The following DEUP1 variants were observed in gnomAD, a reference collection of about 807,000 sequenced individuals.
DEUP1 encodes coiled-coil domain containing 67.
Under a neutral mutation model 87.4 loss-of-function variants are expected in DEUP1, and 82 were observed. The ratio of observed to expected loss-of-function variants is 0.94; its 90% CI spans 0.78 to 1.13. DEUP1 has a LOEUF of 1.13. Ranked by LOEUF, DEUP1 falls within the 50% of genes most tolerant of loss-of-function variation. The pLI is 0.00. For synonymous variants in DEUP1, 214 were observed against 222.7 expected (o/e 0.96, Z 0.35); for missense variants, 663 against 681.5 (o/e 0.97, Z 0.30).
intron 12 of DEUP1, among the ~76,000 whole-genome samples, chr11:93,412,308 G>GAA (rs753887106): frequency 1.3e-5 from 2 of 152,160 alleles, no homozygotes; most frequent in Non-Finnish European, 2.9e-5. Flanking sequence ...TAGGCCTGTG[G>GAA]AAAAGATCAT....
Position 93,395,142 on chromosome 11 carries a change from G to A in DEUP1, c.1239+486G>A, listed in dbSNP as rs558161341. On this transcript the variant is annotated intron_variant, in intron 10 of 13. Coordinates refer to ENST00000298050, the MANE Select transcript of DEUP1 (RefSeq NM_181645.4). ...TTACTGAACATGCAGTCAATGCACA[G>A]CATGGTACGTGAGGAAAAACAGCAA... Among the ~76,000 whole-genome samples, 5 of 152,266 alleles carry A rather than the reference G, an allele frequency of 3.3e-5. No individual in the cohort carries two copies. The South Asian group carries it at 1.0e-3, about 32-fold the overall frequency.
chr11:93,352,443 T>G (rs1335464655), intron 2 of DEUP1: 1 of 700,538 alleles, frequency 1.4e-6, no homozygotes, highest in African/African-American at 1.7e-5. Flanking sequence ...TAACAACAGT[T>G]GCTATAGTCC....
intron 11 of DEUP1, among the ~76,000 whole-genome samples, chr11:93,402,355 A>G (rs77927879): frequency 0.034 from 5,226 of 152,144 alleles, 246 homozygotes; most frequent in African/African-American, 0.11. Flanking sequence ...GACAGGTAAT[A>G]ATGGATGCTG....
chr11:93,437,861 A>G lies in DEUP1; in HGVS notation c.*142A>G, dbSNP rs900930786. 8.2e-5 allele frequency: 49 copies of G among 601,030 alleles called. 2 individuals carry two copies. The highest frequency in any genetic ancestry group is 9.6e-4 in the Middle Eastern group (2 of 2,086). The allele number at this position is 601,030 out of a possible 1,614,324, so 37.2% of individuals were successfully genotyped here. On this transcript the variant is annotated 3_prime_UTR_variant, in exon 14 of 14. Coordinates refer to ENST00000298050, the MANE Select transcript of DEUP1 (RefSeq NM_181645.4). ...TAAATAATTTCCGTAAGGCAGCTAG[A>G]AAATAGTAAGTATTTTGTTCTATAA... is the stretch of plus-strand genomic sequence containing the variant.
In DEUP1 at chr11:93,436,189, ACCT is replaced by A. The variant is rs1948244694; in HGVS notation, c.1639-1353_1639-1351del. 2.6e-5 allele frequency among the ~76,000 whole-genome samples: 4 copies of A among 152,066 alleles called. No homozygotes were observed. In the South Asian group the frequency reaches 6.2e-4, roughly 24 times the overall value. On this transcript the variant is annotated intron_variant, in intron 13 of 13. Transcript: ENST00000298050. ...CAATCTTTTATGGGGTTTATCTTTC[ACCT>A]TCTGGAGTACATACATCTTTCCATC...
intron 11 of DEUP1, among the ~76,000 whole-genome samples, chr11:93,406,100 C>T (rs980422277): frequency 1.3e-5 from 2 of 151,776 alleles, no homozygotes; most frequent in Non-Finnish European, 3.0e-5. Flanking sequence ...TAGATACTCC[C>T]TAGGAAACTT....
intron 13 of DEUP1, among the ~76,000 whole-genome samples, chr11:93,435,774 A>G (rs1289577251): frequency 2.0e-5 from 3 of 152,174 alleles, no homozygotes; most frequent in Non-Finnish European, 4.4e-5. Flanking sequence ...AGGAGGGCAG[A>G]TCACGAGGTC....
chr11:93,388,962 C>T (rs72972364), intron 8 of DEUP1, 58 bp from the exon 9 acceptor site: 165,752 of 931,952 alleles, frequency 0.18, 16,174 homozygotes, highest in Non-Finnish European at 0.2. Flanking sequence ...ACAATATAAT[C>T]GTTACAATTT....
At chr11:93,375,769 GT>G (rs1290916691) in intron 7 of DEUP1, among the ~76,000 whole-genome samples, 1 of 152,052 alleles carries the variant, frequency 6.6e-6, no homozygotes, top group Non-Finnish European at 1.5e-5. Context: ...TCCTTTCCTG[GT>G]TTTGATATTA....
chr11:93,414,280 A>G (rs976383862), intron 12 of DEUP1, among the ~76,000 whole-genome samples: 10 of 152,164 alleles, frequency 6.6e-5, no homozygotes, highest in Non-Finnish European at 8.8e-5. Flanking sequence ...TTGGGAGGCC[A>G]ACGCAGGCGA....
At chr11:93,343,080 A>G (rs1307678961) in intron 2 of DEUP1, among the ~76,000 whole-genome samples, 3 of 152,214 alleles carry the variant, frequency 2.0e-5, no homozygotes, top group Non-Finnish European at 2.9e-5. Context: ...TCTTCAACTC[A>G]GATGCTTAAG....
intron 2 of DEUP1, among the ~76,000 whole-genome samples, chr11:93,334,833 T>C (rs1943671558): frequency 7.6e-6 from 1 of 131,920 alleles, no homozygotes; most frequent in Admixed American, 8.2e-5. Context: ...GTTTTTAAAG[T>C]GTGTTTCCAG....
rs567831168 is a variant in DEUP1, at chr11:93,351,541, C to A, written c.30-3830C>A. ...AATCTATTTACAGTACAAGGTGATACATGTTGTCATGAAAAAGAAAAATGG... is the reference window on the plus strand; with the variant it reads ...AATCTATTTACAGTACAAGGTGATAAATGTTGTCATGAAAAAGAAAAATGG... On this transcript the variant is annotated intron_variant, in intron 2 of 13. Transcript: ENST00000298050. Among the ~76,000 whole-genome samples the A allele has an allele frequency of 1.3e-3, 196 of 152,252 alleles. 1 individual carries two copies. The highest frequency in any genetic ancestry group is 4.5e-3 in the African/African-American group (187 of 41,532).
Position 93,437,752 on chromosome 11 carries a change from C to CCCT in DEUP1, c.*33_*34insCCT, listed in dbSNP as rs375443728. The CCCT allele has an allele frequency of 6.6e-6, 7 of 1,052,718 alleles. 1 individual carries two copies. The highest frequency in any genetic ancestry group is 9.6e-6 in the Non-Finnish European group (7 of 727,986). 65.2% of individuals were successfully genotyped at this position (1,052,718 alleles called of 1,614,324 possible). A position where few individuals can be genotyped will look rare whatever the true frequency, so the allele number is the denominator to read the frequency against. Reference sequence around the variant, plus strand: ...AACTTTTTTATTTGCTTCCCCCCCCCACCCCCGCCAAGAAAAAAAGCTCTG... The same window carrying CCCT: ...AACTTTTTTATTTGCTTCCCCCCCCCCCTACCCCCGCCAAGAAAAAAAGCTCTG... On this transcript the variant is annotated 3_prime_UTR_variant, in exon 14 of 14. Coordinates refer to ENST00000298050, the MANE Select transcript of DEUP1 (RefSeq NM_181645.4).
At chr11:93,331,982 A>G (rs180825164) in intron 1 of DEUP1, among the ~76,000 whole-genome samples, 39 of 152,308 alleles carry the variant, frequency 2.6e-4, no homozygotes, top group African/African-American at 9.4e-4. Context: ...CAGAGGTTGC[A>G]GTGAGCTGAG....
chr11:93,388,725 T>C (rs1946669601), intron 8 of DEUP1, among the ~76,000 whole-genome samples: 1 of 152,196 alleles, frequency 6.6e-6, no homozygotes, highest in South Asian at 2.1e-4. Flanking sequence ...CAGTCTTTTC[T>C]TTTTTCCCAA....
chr11:93,386,962 A>G (rs921711414), intron 8 of DEUP1, among the ~76,000 whole-genome samples: 3 of 152,204 alleles, frequency 2.0e-5, no homozygotes, highest in Non-Finnish European at 2.9e-5. Context: ...GCTGAATTCC[A>G]AACAGTGCCA....
rs114355799 is a variant in DEUP1, at chr11:93,358,470, G to A, written c.297+1427G>A. Among the ~76,000 whole-genome samples the A allele has an allele frequency of 7.6e-3, 1,154 of 152,268 alleles. 14 individuals are homozygous for A. Among genetic ancestry groups the A allele is most frequent in the African/African-American group, 0.027 (1,112 of 41,546 alleles). ...AGACTCCTCCCCTCCTGGAGATTAA[G>A]GGTACACATTAGCATATTACAGGCC... is the stretch of plus-strand genomic sequence containing the variant. On this transcript the variant is annotated intron_variant, in intron 4 of 13. Coordinates refer to ENST00000298050, the MANE Select transcript of DEUP1 (RefSeq NM_181645.4).
chr11:93,396,920 C>A (rs984295184), intron 11 of DEUP1, among the ~76,000 whole-genome samples: 4 of 152,146 alleles, frequency 2.6e-5, no homozygotes, highest in Non-Finnish European at 4.4e-5. Context: ...TAGGTTTACA[C>A]AAAGGAACTT....
Sources: allele counts gnomAD v4.1 joint callset (sites outside exome capture counted in the v4.1 genomes callset), GRCh38; gene constraint gnomAD v4.1.1; transcripts MANE v1.5; gene names NCBI Gene and HGNC (gene_info 2026-07-23, HGNC 2026-07-21).